Variants in DNAJC1 observed in about 807,000 individuals in gnomAD.
DNAJC1 encodes dnaJ homolog subfamily C member 1.
In DNAJC1, 58 loss-of-function variants were observed where a neutral mutation model predicts 76.6. The ratio of observed to expected loss-of-function variants is 0.76; its 90% CI spans 0.61 to 0.94. The LOEUF (loss-of-function observed/expected upper bound fraction) is 0.94, where lower values mean the gene tolerates loss of function less well. Ranked by LOEUF, DNAJC1 falls within the 40% of genes least tolerant of loss-of-function variation. The pLI, the probability that DNAJC1 is intolerant of heterozygous loss-of-function variation, is 0.00. For synonymous variants in DNAJC1, 258 were observed against 267.9 expected, an observed-to-expected ratio of 0.96 and a Z score of 0.36; for missense variants, 689 against 677.3, an observed-to-expected ratio of 1.02 and a Z score of -0.19.
rs926534396 is a variant in DNAJC1 at position 21,875,131 on chromosome 10, T to G, written c.978+7151A>C. ...CCTGACCTCAGGTGATCCACCCACC[T>G]CAGCTTCCCAAAGTGCTGGGATTAC... On this transcript the variant is annotated intron_variant, in intron 8 of 11. Coordinates refer to ENST00000376980, the MANE Select transcript of DNAJC1 (RefSeq NM_022365.4). Among the ~76,000 whole-genome samples, 5 of 152,288 alleles carry G rather than the reference T, an allele frequency of 3.3e-5. No individual in the cohort carries two copies. The East Asian group carries it at 9.7e-4, about 29-fold the overall frequency.
intron 8 of DNAJC1, among the ~76,000 whole-genome samples, chr10:21,823,180 T>C (rs572685345): frequency 1.3e-5 from 2 of 152,132 alleles, no homozygotes; most frequent in Non-Finnish European, 2.9e-5. Flanking sequence ...AAGCGAAATC[T>C]ATTAGAGGAG....
At chr10:21,881,373 C>T (rs1176153311) in intron 8 of DNAJC1, among the ~76,000 whole-genome samples, 1 of 152,186 alleles carries the variant, frequency 6.6e-6, no homozygotes, top group African/African-American at 2.4e-5. Flanking sequence ...AGAGGCCTAG[C>T]TTTTGGCCTA....
chr10:21,891,090 T>C (rs921069847), intron 7 of DNAJC1, among the ~76,000 whole-genome samples: 2 of 152,058 alleles, frequency 1.3e-5, no homozygotes, highest in African/African-American at 4.8e-5. Context: ...CTCAGGAGGC[T>C]GAGGCAGGAG....
chr10:21,770,050 T>C lies in DNAJC1; in HGVS notation c.1099-3741A>G, dbSNP rs547992146. On this transcript the variant is annotated intron_variant, in intron 9 of 11. Transcript: ENST00000376980. The stretch of plus-strand genomic sequence containing the variant: ...TTTCCTCCATTGCTTAATAGTTTTA[T>C]CATCCAAGTCACTTAGGCTCAAAAT... Among the ~76,000 whole-genome samples, 10 of 152,334 alleles carry C rather than the reference T, an allele frequency of 6.6e-5. No individual in the cohort carries two copies. In the East Asian group the frequency reaches 1.9e-3, roughly 29 times the overall value.
intron 8 of DNAJC1, among the ~76,000 whole-genome samples, chr10:21,816,679 G>C (rs1354577191): frequency 6.6e-6 from 1 of 150,602 alleles, no homozygotes; most frequent in Non-Finnish European, 1.5e-5. Flanking sequence ...CCGAGTAGCT[G>C]GAACTACAGG....
intron 1 of DNAJC1, among the ~76,000 whole-genome samples, chr10:21,976,507 C>G (rs1199978783): frequency 6.6e-6 from 1 of 152,216 alleles, no homozygotes; most frequent in African/African-American, 2.4e-5. Flanking sequence ...GCCACATCTT[C>G]TTCTGGCCAG....
chr10:21,850,529 TTTTC>T (rs1358841945), intron 8 of DNAJC1, among the ~76,000 whole-genome samples: 2 of 150,590 alleles, frequency 1.3e-5, no homozygotes, highest in Non-Finnish European at 3.0e-5. Context: ...TTAAATTTTC[TTTTC>T]TTTTTTTTTT....
At chr10:21,931,812 A>C (rs924290765) in intron 1 of DNAJC1, among the ~76,000 whole-genome samples, 1 of 152,192 alleles carries the variant, frequency 6.6e-6, no homozygotes, top group Non-Finnish European at 1.5e-5. Flanking sequence ...TAGATGTTTT[A>C]TCTCTCCAGC....
At chr10:21,829,736 A>C (rs1189396643) in intron 8 of DNAJC1, among the ~76,000 whole-genome samples, 1 of 152,202 alleles carries the variant, frequency 6.6e-6, no homozygotes, top group Non-Finnish European at 1.5e-5. Context: ...TCATTCTTTT[A>C]ATTTGACAAT....
intron 9 of DNAJC1, among the ~76,000 whole-genome samples, chr10:21,773,368 A>C (rs772538778): frequency 3.9e-5 from 6 of 152,030 alleles, no homozygotes; most frequent in Non-Finnish European, 7.4e-5. Context: ...AATTTCCCTC[A>C]TTATTTCTTC....
chr10:21,789,058 G>A (rs1834648133), intron 9 of DNAJC1, among the ~76,000 whole-genome samples: 1 of 138,202 alleles, frequency 7.2e-6, no homozygotes, highest in South Asian at 2.1e-4. Context: ...ACCCGCACCT[G>A]GAATTTAGCC....
chr10:21,819,712 C>T (rs1363873721), intron 8 of DNAJC1, among the ~76,000 whole-genome samples: 1 of 151,860 alleles, frequency 6.6e-6, no homozygotes, highest in African/African-American at 2.4e-5. Context: ...GGTAGATCAC[C>T]TGAGGTCAGG....
At chr10:21,882,754 TA>T (rs1836302348) in intron 7 of DNAJC1, among the ~76,000 whole-genome samples, 1 of 152,214 alleles carries the variant, frequency 6.6e-6, no homozygotes, top group Non-Finnish European at 1.5e-5. Context: ...ATTGTAACCC[TA>T]ACTTTACCAT....
At chr10:21,932,770 A>G (rs1837249496) in intron 1 of DNAJC1, among the ~76,000 whole-genome samples, 1 of 152,222 alleles carries the variant, frequency 6.6e-6, no homozygotes, top group African/African-American at 2.4e-5. Context: ...GTAAACATTT[A>G]AAGGCAAATG....
At chr10:21,801,025 T>C (rs1473406579) in intron 9 of DNAJC1, among the ~76,000 whole-genome samples, 2 of 152,166 alleles carry the variant, frequency 1.3e-5, no homozygotes, top group East Asian at 3.8e-4. Context: ...CTAACAACTG[T>C]GTCACCTTGA....
intron 1 of DNAJC1, among the ~76,000 whole-genome samples, chr10:21,967,319 TAGCACAATGTTTTTGAGGTTCATCC>T (rs1554901397): frequency 6.6e-6 from 1 of 152,190 alleles, no homozygotes; most frequent in Non-Finnish European, 1.5e-5. Context: ...CTGTTTCATT[TAGCACAATGTTTTTGAGGTTCATCC>T]ATACCATCAC....
intron 6 of DNAJC1, among the ~76,000 whole-genome samples, chr10:21,914,620 T>C (rs1253117424): frequency 6.6e-6 from 1 of 152,220 alleles, no homozygotes; most frequent in Non-Finnish European, 1.5e-5. Context: ...TAAATAGATA[T>C]ACTCAGAATC....
At chr10:21,905,469 C>T (rs1836728844) in intron 6 of DNAJC1, among the ~76,000 whole-genome samples, 1 of 152,084 alleles carries the variant, frequency 6.6e-6, no homozygotes, top group African/African-American at 2.4e-5. Context: ...ATTGCTTTGC[C>T]CTCTGGCTAC....
intron 8 of DNAJC1, among the ~76,000 whole-genome samples, chr10:21,818,195 T>C (rs1171104894): frequency 1.2e-4 from 18 of 152,202 alleles, no homozygotes. Flanking sequence ...AATGTGTCCC[T>C]GTGGGCCTCT....
Sources: allele counts gnomAD v4.1 joint callset (sites outside exome capture counted in the v4.1 genomes callset), GRCh38; gene constraint gnomAD v4.1.1; transcripts MANE v1.5; gene names NCBI Gene and HGNC (gene_info 2026-07-23, HGNC 2026-07-21).